ITGA8: variants seen among roughly 807,000 people sequenced by gnomAD.
The protein encoded by ITGA8 is integrin subunit alpha 8, also known as integrin alpha-8.
Under a neutral mutation model 142.3 loss-of-function variants are expected in ITGA8, and 91 were observed. The ratio of observed to expected loss-of-function variants is 0.64; its 90% confidence interval spans 0.54 to 0.76. The LOEUF is 0.76. Ranked by LOEUF, ITGA8 falls within the 30% of genes least tolerant of loss-of-function variation. The probability of loss-of-function intolerance (pLI) is 0.00; values close to 1 mark genes in which losing one functional copy is unlikely to be tolerated. For synonymous variants in ITGA8, 505 were observed against 485.2 expected (o/e 1.04, Z -0.54); for missense variants, 1,406 against 1,327.7 (o/e 1.06, Z -0.92).
intron 22 of ITGA8, among the ~76,000 whole-genome samples, chr10:15,587,653 G>A (rs1002036832): frequency 6.6e-6 from 1 of 152,134 alleles, no homozygotes; most frequent in East Asian, 1.9e-4. Flanking sequence ...ACCCAAGGAA[G>A]TTGGCCAGTT....
chr10:15,610,507 A>G (rs1399352389), intron 15 of ITGA8, among the ~76,000 whole-genome samples: 1 of 152,202 alleles, frequency 6.6e-6, no homozygotes, highest in Non-Finnish European at 1.5e-5. Flanking sequence ...TTGGAACAAA[A>G]AAACCCATCA....
Position 15,516,845 on chromosome 10 carries a change from C to T in ITGA8, c.*313G>A. 1 of 231,184 alleles carries T rather than the reference C, an allele frequency of 4.3e-6. No homozygotes were observed. The highest frequency in any genetic ancestry group is 6.4e-5 in the South Asian group (1 of 15,674). The allele number at this position is 231,184 out of a possible 1,614,324, so 14.3% of individuals were successfully genotyped here. The stretch of plus-strand genomic sequence containing the variant: ...TCTCTGCAACTTATGCTGGATTGAT[C>T]TGGACTGCAACTTACGTTCCCATAC... On this transcript the variant is annotated 3_prime_UTR_variant, in exon 30 of 30. Coordinates refer to ENST00000378076, the MANE Select transcript of ITGA8 (RefSeq NM_003638.3).
Position 15,719,766 on chromosome 10 carries a change from C to A in ITGA8, c.6G>T (p.Ser2=), listed in dbSNP as rs1835528151. The A allele has an allele frequency of 2.2e-6, 3 of 1,348,382 alleles. No homozygotes were observed. Among genetic ancestry groups the A allele is most frequent in the Non-Finnish European group, 2.8e-6 (3 of 1,058,568 alleles). 83.5% of individuals were successfully genotyped at this position (1,348,382 alleles called of 1,614,324 possible). Residue 2 remains serine (S), a synonymous_variant, in exon 1 of 30, where the codon TCG becomes TCT. Transcript: ENST00000378076. ...CCCGGGGACCGCGGCTGGCCCCGGG[C>A]GACATCTCCCTCCGCCCCGGTGGGT... M[S]PGASRGPRGS...
In ITGA8 at chr10:15,710,113, T is replaced by A. The variant is rs1290774926; in HGVS notation, c.343+8653A>T. On this transcript the variant is annotated intron_variant, in intron 2 of 29. Transcript: ENST00000378076. ...ATTTTTCCTGATCATAAATAAATACTTGTTCATGGTTTGAAAACAAGAAAA... is the reference window on the plus strand; with the variant it reads ...ATTTTTCCTGATCATAAATAAATACATGTTCATGGTTTGAAAACAAGAAAA... Among the ~76,000 whole-genome samples the A allele has an allele frequency of 2.0e-5, 3 of 152,226 alleles. No individual in the cohort carries two copies. The East Asian group carries it at 5.8e-4, about 29-fold the overall frequency.
At chr10:15,594,953 G>C (rs1311081354) in intron 21 of ITGA8, among the ~76,000 whole-genome samples, 1 of 152,132 alleles carries the variant, frequency 6.6e-6, no homozygotes, top group Non-Finnish European at 1.5e-5. Context: ...TTTCATACTG[G>C]TAAGAGGTGC....
chr10:15,635,003 C>CTTTTTTTTTTTTT (rs915334219), intron 13 of ITGA8, among the ~76,000 whole-genome samples: 31 of 107,218 alleles, frequency 2.9e-4, no homozygotes, highest in African/African-American at 3.5e-4. Flanking sequence ...TTCTTTCTTT[C>CTTTTTTTTTTTTT]TTTTTTTTTT....
At chr10:15,683,406 A>C (rs1834778624) in intron 4 of ITGA8, among the ~76,000 whole-genome samples, 1 of 151,834 alleles carries the variant, frequency 6.6e-6, no homozygotes, top group Non-Finnish European at 1.5e-5. Flanking sequence ...AATGCCCCAA[A>C]GATGACACTC....
chr10:15,514,366 C>T lies in ITGA8; in HGVS notation c.*2792G>A, dbSNP rs1832926310. On this transcript the variant is annotated 3_prime_UTR_variant, in exon 30 of 30. Coordinates refer to ENST00000378076, the MANE Select transcript of ITGA8 (RefSeq NM_003638.3). ...CCTGACCTCAGTTTCCTCCCTTTCT[C>T]CATTTGCTTCCATATTCTTTTTTTA... is the stretch of plus-strand genomic sequence containing the variant. The T allele has an allele frequency of 6.6e-6, 1 of 152,046 alleles. No homozygotes were observed. Among genetic ancestry groups the T allele is most frequent in the African/African-American group, 2.4e-5 (1 of 41,394 alleles). The allele number at this position is 152,046 out of a possible 1,614,324, so 9.4% of individuals were successfully genotyped here. A position where few individuals can be genotyped will look rare whatever the true frequency, so the allele number is the denominator to read the frequency against.
intron 2 of ITGA8, among the ~76,000 whole-genome samples, chr10:15,706,942 C>A (rs547350511): frequency 1.3e-5 from 2 of 152,128 alleles, no homozygotes; most frequent in Non-Finnish European, 2.9e-5. Flanking sequence ...GCTCAGCGAC[C>A]TTTCTCCATT....
At chr10:15,661,121 G>A (rs1834278695) in intron 8 of ITGA8, among the ~76,000 whole-genome samples, 199 bp from the exon 9 acceptor site, 1 of 152,166 alleles carries the variant, frequency 6.6e-6, no homozygotes, top group African/African-American at 2.4e-5. Context: ...CACAGTAGGA[G>A]GTGAGCCTCA....
At chr10:15,615,999 A>G (rs1833384952) in intron 14 of ITGA8, among the ~76,000 whole-genome samples, 1 of 152,248 alleles carries the variant, frequency 6.6e-6, no homozygotes. Context: ...AACTTGCCCA[A>G]GATTACAAAT....
chr10:15,716,917 C>T (rs558507175), intron 2 of ITGA8, among the ~76,000 whole-genome samples: 213 of 152,306 alleles, frequency 1.4e-3, no homozygotes, highest in African/African-American at 5.0e-3. Flanking sequence ...CTGCCTCGGC[C>T]TCCCAAAGTG....
Position 15,684,344 on chromosome 10 carries a change from C to CAA in ITGA8, c.445-219_445-218dup, listed in dbSNP as rs201236352. On this transcript the variant is annotated intron_variant, in intron 3 of 29. Coordinates refer to ENST00000378076, the MANE Select transcript of ITGA8 (RefSeq NM_003638.3). Reference sequence around the variant, plus strand: ...AGAATTGGTGAAAATTAAATACATGCAAAAAAAAATGAGTTTTCTGACAAT... The same window carrying CAA: ...AGAATTGGTGAAAATTAAATACATGCAAAAAAAAAAATGAGTTTTCTGACAAT... Among the ~76,000 whole-genome samples the CAA allele has an allele frequency of 7.6e-5, 11 of 144,940 alleles. No homozygotes were observed. The East Asian group carries it at 2.2e-3, about 29-fold the overall frequency.
At chr10:15,645,942 T>A (rs533702816) in intron 12 of ITGA8, among the ~76,000 whole-genome samples, 1 of 152,324 alleles carries the variant, frequency 6.6e-6, no homozygotes, top group South Asian at 2.1e-4. Context: ...ATATTGAAAC[T>A]AAGGTGAAGC....
At chr10:15,533,471 C>T (rs1009848288) in intron 27 of ITGA8, among the ~76,000 whole-genome samples, 1 of 152,132 alleles carries the variant, frequency 6.6e-6, no homozygotes, top group Non-Finnish European at 1.5e-5. Flanking sequence ...CTGGTGATTT[C>T]AATCTAATTT....
In ITGA8 at chr10:15,719,811, G is replaced by A. The variant is rs1564424238; in HGVS notation, c.-40C>T. The A allele has an allele frequency of 1.6e-5, 21 of 1,307,020 alleles. No homozygotes were observed. The East Asian group carries it at 2.2e-4, about 14-fold the overall frequency. 81.0% of individuals were successfully genotyped at this position (1,307,020 alleles called of 1,614,324 possible). A position where few individuals can be genotyped will look rare whatever the true frequency, so the allele number is the denominator to read the frequency against. ...GTGGGTGGCTGCTACCCAGGAGCGCGAGCCGAGGACCCCTGCGGGGCAAGG... is the reference window on the plus strand; with the variant it reads ...GTGGGTGGCTGCTACCCAGGAGCGCAAGCCGAGGACCCCTGCGGGGCAAGG... On this transcript the variant is annotated 5_prime_UTR_variant, in exon 1 of 30. Transcript: ENST00000378076.
At chr10:15,674,313 C>T (rs1366987539) in intron 6 of ITGA8, among the ~76,000 whole-genome samples, 5 of 152,226 alleles carry the variant, frequency 3.3e-5, no homozygotes, top group Non-Finnish European at 7.3e-5. Flanking sequence ...CACATATACA[C>T]ATTATCATCT....
chr10:15,619,886 GATGA>G (rs1266584922), intron 13 of ITGA8, among the ~76,000 whole-genome samples: 52 of 152,276 alleles, frequency 3.4e-4, no homozygotes, highest in South Asian at 2.5e-3. Context: ...ACTGATTCAC[GATGA>G]ATTATGTGCT....
intron 11 of ITGA8, among the ~76,000 whole-genome samples, chr10:15,653,685 A>G (rs1007643879): frequency 3.9e-5 from 6 of 152,204 alleles, no homozygotes; most frequent in South Asian, 2.1e-4. Flanking sequence ...CCTGGGAAAC[A>G]CTGCCTTGTT....
Sources: gnomAD v4.1 joint callset for allele counts (sites outside exome capture counted in the v4.1 genomes callset) on GRCh38, gnomAD v4.1.1 for gene constraint, MANE v1.5 for transcripts, NCBI Gene and HGNC (gene_info 2026-07-23, HGNC 2026-07-21) for gene names.